HEATR5B: variants seen among roughly 807,000 people sequenced by gnomAD.
HEATR5B encodes the protein HEAT repeat-containing protein 5B.
A neutral mutation model predicts 224.1 loss-of-function variants in HEATR5B; 156 were observed. The observed-to-expected ratio is 0.70, with a 90% CI of 0.61 to 0.80. The LOEUF is 0.80. Among genes scored for constraint, HEATR5B ranks in the 30% least tolerant of loss-of-function variants. The pLI is 0.00. For missense variants in HEATR5B, 2,323 were observed against 2,535.5 expected, an observed-to-expected ratio of 0.92 and a Z score of 1.80; for synonymous variants, 1,027 against 893.0, an observed-to-expected ratio of 1.15 and a Z score of -2.68.
intron 24 of HEATR5B, among the ~76,000 whole-genome samples, chr2:37,023,172 G>GGAT (rs1572828874): frequency 6.6e-6 from 1 of 152,128 alleles, no homozygotes; most frequent in Non-Finnish European, 1.5e-5. Context: ...TATCTGAAAT[G>GGAT]AAAACTACAC....
intron 24 of HEATR5B, among the ~76,000 whole-genome samples, chr2:37,022,629 G>C (rs923387641): frequency 2.0e-5 from 3 of 152,188 alleles, no homozygotes; most frequent in Non-Finnish European, 2.9e-5. Flanking sequence ...GTAGGCTGGA[G>C]TCTGCCAATC....
intron 30 of HEATR5B, among the ~76,000 whole-genome samples, chr2:37,005,202 G>T (rs1377918077): frequency 6.6e-6 from 1 of 152,116 alleles, no homozygotes; most frequent in African/African-American, 2.4e-5. Flanking sequence ...GCCTCCTAGT[G>T]TTCGTATTTG....
At chr2:37,066,876 A>T (rs1261468351) in intron 8 of HEATR5B, among the ~76,000 whole-genome samples, 1 of 148,690 alleles carries the variant, frequency 6.7e-6, no homozygotes, top group Admixed American at 6.7e-5. Context: ...CTATAATTAA[A>T]TTTTTTTTTT....
At chr2:37,073,684 T>C (rs1391116536) in intron 5 of HEATR5B, among the ~76,000 whole-genome samples, 1 of 152,250 alleles carries the variant, frequency 6.6e-6, no homozygotes, top group Non-Finnish European at 1.5e-5. Flanking sequence ...AGATATATCA[T>C]GTCCATAGGG....
intron 33 of HEATR5B, among the ~76,000 whole-genome samples, chr2:36,991,991 A>T (rs1370271200): frequency 6.6e-6 from 1 of 152,180 alleles, no homozygotes. Context: ...GCACTTTGGG[A>T]TTTCTAGAAC....
chr2:37,049,877 A>T, intron 17 of HEATR5B, 34 bp from the exon 18 acceptor site: 1 of 1,427,314 alleles, frequency 7.0e-7, no homozygotes. Flanking sequence ...AAAAGACAGC[A>T]ATTCATAATT....
At chr2:36,998,765 AT>A (rs1438902660) in intron 33 of HEATR5B, among the ~76,000 whole-genome samples, 1 of 152,156 alleles carries the variant, frequency 6.6e-6, no homozygotes, top group Admixed American at 6.5e-5. Flanking sequence ...ACAGAATGAG[AT>A]GACATTATTT....
chr2:37,031,132 G>A (rs1485126397), intron 22 of HEATR5B, among the ~76,000 whole-genome samples: 1 of 152,138 alleles, frequency 6.6e-6, no homozygotes, highest in Non-Finnish European at 1.5e-5. Context: ...CGATCTCTAT[G>A]ACTCCATGGG....
At chr2:37,064,142 C>A (rs1169010650) in intron 10 of HEATR5B, among the ~76,000 whole-genome samples, 1 of 152,106 alleles carries the variant, frequency 6.6e-6, no homozygotes, top group Non-Finnish European at 1.5e-5. Flanking sequence ...TCAATTTTTA[C>A]TAAACATTAT....
At position 37,010,755 on chromosome 2, in the gene HEATR5B, C is replaced by A. The variant is rs574945004; in HGVS notation, c.4285-1907G>T. On this transcript the variant is annotated intron_variant, in intron 27 of 35. Transcript: ENST00000233099. ...TCTCAAACTCCTGACCGCAGGTGAT[C>A]CATCCTTCTCAGCCTCCCCAAGTGC... 2.0e-5 allele frequency among the ~76,000 whole-genome samples: 3 copies of A among 151,958 alleles called. No individual in the cohort carries two copies. The South Asian group carries it at 6.2e-4, about 32-fold the overall frequency.
rs116330397 is a variant in HEATR5B, at chr2:37,058,556, G to C, written c.1954C>G (p.Pro652Ala). 2,152 of 1,600,392 alleles carry C rather than the reference G, an allele frequency of 1.3e-3. 24 individuals are homozygous for C. The African/African-American group carries it at 0.024, about 18-fold the overall frequency. ...ECAMTMMSHI[P>A]SVMKAHGAHL... is the part of the protein sequence containing the mutation. Reference sequence around the variant, plus strand: ...GCTCCATGGGCTTTCATTACAGATGGAATGCTAAAATATCAAAAACATAGT... The same window carrying C: ...GCTCCATGGGCTTTCATTACAGATGCAATGCTAAAATATCAAAAACATAGT... The change falls in exon 14 of 36, where the codon CCA becomes GCA. Residue 652 changes from proline to alanine, a missense_variant. Pro to Ala is a conservative substitution (Grantham distance 27). Transcript: ENST00000233099.
intron 7 of HEATR5B, among the ~76,000 whole-genome samples, chr2:37,069,872 G>A (rs924450245): frequency 4.0e-5 from 6 of 150,214 alleles, no homozygotes; most frequent in East Asian, 3.9e-4. Flanking sequence ...AGTTTTCCAC[G>A]AAGTTTCACA....
intron 22 of HEATR5B, among the ~76,000 whole-genome samples, chr2:37,030,081 C>T (rs1312550935): frequency 6.6e-6 from 1 of 152,072 alleles, no homozygotes; most frequent in Non-Finnish European, 1.5e-5. Context: ...TTGTAAACAG[C>T]AGCGGTATAT....
intron 17 of HEATR5B, among the ~76,000 whole-genome samples, chr2:37,050,291 T>C (rs761478674): frequency 6.6e-6 from 1 of 152,206 alleles, no homozygotes; most frequent in Non-Finnish European, 1.5e-5. Context: ...TATATACTAA[T>C]GTCTAGAATC....
At chr2:37,067,127 G>A (rs1441794155) in intron 8 of HEATR5B, among the ~76,000 whole-genome samples, 1 of 152,096 alleles carries the variant, frequency 6.6e-6, no homozygotes, top group Non-Finnish European at 1.5e-5. Flanking sequence ...ACCCATCTTG[G>A]CCTCCCAAAG....
intron 7 of HEATR5B, among the ~76,000 whole-genome samples, chr2:37,069,841 T>C (rs1229637980): frequency 1.3e-5 from 2 of 152,090 alleles, no homozygotes; most frequent in African/African-American, 4.8e-5. Context: ...AAAATGTCTC[T>C]GTGAGCTGTT....
chr2:37,056,200 C>T (rs2148544007), intron 16 of HEATR5B, among the ~76,000 whole-genome samples: 1 of 151,970 alleles, frequency 6.6e-6, no homozygotes, highest in African/African-American at 2.4e-5. Flanking sequence ...GTCCACAATA[C>T]AACAGATATC....
chr2:37,054,391 G>T (rs968894168), intron 16 of HEATR5B, among the ~76,000 whole-genome samples: 1 of 151,124 alleles, frequency 6.6e-6, no homozygotes, highest in African/African-American at 2.4e-5. Flanking sequence ...ATGTTGGTCA[G>T]GCTGGTCTCG....
intron 35 of HEATR5B, among the ~76,000 whole-genome samples, chr2:36,987,746 T>A (rs988885942): frequency 6.6e-6 from 1 of 152,116 alleles, no homozygotes; most frequent in African/African-American, 2.4e-5. Context: ...CTTTTATACC[T>A]CTATTATGAA....
Sources: allele counts gnomAD v4.1 joint callset (sites outside exome capture counted in the v4.1 genomes callset), GRCh38; gene constraint gnomAD v4.1.1; transcripts MANE v1.5; gene names NCBI Gene and HGNC (gene_info 2026-07-23, HGNC 2026-07-21).